The following CDK14 variants were observed in gnomAD, a reference collection of about 807,000 sequenced individuals.
The protein encoded by CDK14 is cyclin-dependent kinase 14.
A neutral mutation model predicts 60.7 loss-of-function variants in CDK14; 34 were observed. The ratio of observed to expected loss-of-function variants is 0.56; its 90% CI spans 0.43 to 0.75. The LOEUF (loss-of-function observed/expected upper bound fraction) is 0.75. Among genes scored for constraint, CDK14 ranks in the 30% least tolerant of loss-of-function variants. The pLI is 0.00. For missense variants in CDK14, 482 were observed against 564.1 expected, an observed-to-expected ratio of 0.85 and a Z score of 1.47; for synonymous variants, 197 against 203.7, an observed-to-expected ratio of 0.97 and a Z score of 0.28.
chr7:90,750,264 T>G (rs1202999589), intron 4 of CDK14, among the ~76,000 whole-genome samples: 1 of 151,474 alleles, frequency 6.6e-6, no homozygotes, highest in African/African-American at 2.4e-5. Flanking sequence ...TTACAAAAAT[T>G]ATAGTGCCAA....
intron 14 of CDK14, among the ~76,000 whole-genome samples, chr7:91,176,728 C>T (rs962771170): frequency 3.3e-5 from 5 of 151,598 alleles, no homozygotes; most frequent in Non-Finnish European, 5.9e-5. Flanking sequence ...ATAAATTCCT[C>T]GACACATACA....
chr7:90,956,381 C>T (rs1408727379), intron 9 of CDK14, among the ~76,000 whole-genome samples: 1 of 152,134 alleles, frequency 6.6e-6, no homozygotes, highest in Non-Finnish European at 1.5e-5. Flanking sequence ...TTATGAGGTC[C>T]AATGACTGTC....
intron 4 of CDK14, among the ~76,000 whole-genome samples, chr7:90,773,549 T>C (rs1318829596): frequency 6.6e-6 from 1 of 152,210 alleles, no homozygotes; most frequent in Non-Finnish European, 1.5e-5. Flanking sequence ...CTCTGTCACC[T>C]ATTCTAGAGT....
At chr7:90,849,383 T>C (rs1562797468) in intron 5 of CDK14, among the ~76,000 whole-genome samples, 1 of 152,046 alleles carries the variant, frequency 6.6e-6, no homozygotes, top group Non-Finnish European at 1.5e-5. Context: ...ATAAACCTCT[T>C]TTCTTTTGAA....
intron 10 of CDK14, among the ~76,000 whole-genome samples, chr7:91,028,701 T>A (rs188105323): frequency 6.6e-6 from 1 of 152,340 alleles, no homozygotes. Flanking sequence ...TTTTTTCATA[T>A]GTTTGTTGGT....
chr7:90,599,211 C>A (rs1029965935), intron 1 of CDK14, among the ~76,000 whole-genome samples: 7 of 152,098 alleles, frequency 4.6e-5, no homozygotes, highest in Non-Finnish European at 5.9e-5. Flanking sequence ...ATAATGCATA[C>A]CATGTCTTGT....
At chr7:90,620,419 G>A (rs1207900631) in intron 2 of CDK14, among the ~76,000 whole-genome samples, 1 of 152,116 alleles carries the variant, frequency 6.6e-6, no homozygotes, top group African/African-American at 2.4e-5. Context: ...GGTGAGTGAC[G>A]CTTCTCCACC....
At chr7:91,032,914 A>G (rs138720711) in intron 10 of CDK14, among the ~76,000 whole-genome samples, 11 of 152,366 alleles carry the variant, frequency 7.2e-5, no homozygotes, top group Middle Eastern at 3.4e-3. Context: ...AATCAATTCA[A>G]TAACTTTGTC....
At chr7:90,674,428 A>C (rs1001959453) in intron 2 of CDK14, among the ~76,000 whole-genome samples, 1 of 152,210 alleles carries the variant, frequency 6.6e-6, no homozygotes, top group African/African-American at 2.4e-5. Flanking sequence ...ACAATCAGTT[A>C]GGGAAGGTGG....
chr7:90,612,242 G>A (rs151128674), intron 2 of CDK14, among the ~76,000 whole-genome samples: 40 of 152,186 alleles, frequency 2.6e-4, no homozygotes, highest in African/African-American at 8.2e-4. Context: ...CTCTTCATTG[G>A]TATCACTGCT....
At chr7:91,142,940 G>C (rs73213019) in intron 14 of CDK14, among the ~76,000 whole-genome samples, 10,594 of 152,226 alleles carry the variant, frequency 0.07, 471 homozygotes, top group Non-Finnish European at 0.089. Context: ...TACAAGACAT[G>C]GTCCCTATTG....
intron 14 of CDK14, among the ~76,000 whole-genome samples, chr7:91,188,298 T>C (rs1802252458): frequency 6.6e-6 from 1 of 152,190 alleles, no homozygotes; most frequent in Admixed American, 6.5e-5. Flanking sequence ...CCTTTATAAC[T>C]GATCATGAAC....
intron 14 of CDK14, among the ~76,000 whole-genome samples, chr7:91,175,486 A>G (rs983963686): frequency 1.9e-4 from 29 of 152,316 alleles, no homozygotes; most frequent in African/African-American, 6.5e-4. Flanking sequence ...AATGGACTAA[A>G]TGCTCCAATT....
In CDK14 at chr7:91,154,742, GTTA is replaced by G. The variant is rs201525702; in HGVS notation, c.*28+36537_*28+36539del. 7.1e-3 allele frequency among the ~76,000 whole-genome samples: 1,073 copies of G among 152,190 alleles called. 4 individuals carry two copies. Among genetic ancestry groups the G allele is most frequent in the Middle Eastern group, 0.02 (6 of 294 alleles). The stretch of plus-strand genomic sequence containing the variant: ...CACTGCTTGGCACATTCTAGCTGAC[GTTA>G]TTGAGTTGTTGTTAGTATTATTATG... On this transcript the variant is annotated intron_variant, in intron 14 of 14. Coordinates refer to ENST00000380050, the MANE Select transcript of CDK14 (RefSeq NM_001287135.2).
At chr7:90,792,218 A>G (rs1337857737) in intron 5 of CDK14, among the ~76,000 whole-genome samples, 1 of 144,522 alleles carries the variant, frequency 6.9e-6, no homozygotes, top group African/African-American at 2.6e-5. Flanking sequence ...TTTTCTTTCT[A>G]ATAAGCACTC....
At chr7:91,049,710 AT>A (rs1176442375) in intron 11 of CDK14, among the ~76,000 whole-genome samples, 1 of 152,196 alleles carries the variant, frequency 6.6e-6, no homozygotes, top group Non-Finnish European at 1.5e-5. Flanking sequence ...TAAATAACTT[AT>A]TTTTTAGTTA....
chr7:90,805,578 T>C (rs1274296542), intron 5 of CDK14, among the ~76,000 whole-genome samples: 1 of 152,032 alleles, frequency 6.6e-6, no homozygotes, highest in Non-Finnish European at 1.5e-5. Flanking sequence ...TAACAAAACA[T>C]ATTTAGAATT....
intron 10 of CDK14, among the ~76,000 whole-genome samples, chr7:91,016,198 C>G (rs10953031): frequency 0.23 from 35,274 of 152,054 alleles, 4,400 homozygotes; most frequent in Middle Eastern, 0.27. Context: ...GCACTTCTTC[C>G]ATTATGAATT....
At chr7:90,762,405 A>G (rs144318290) in intron 4 of CDK14, among the ~76,000 whole-genome samples, 1 of 152,156 alleles carries the variant, frequency 6.6e-6, no homozygotes, top group South Asian at 2.1e-4. Context: ...TCTCTGGGAT[A>G]GGGTCCTCTC....
Sources: allele counts gnomAD v4.1 joint callset (sites outside exome capture counted in the v4.1 genomes callset), GRCh38; gene constraint gnomAD v4.1.1; transcripts MANE v1.5; gene names NCBI Gene and HGNC (gene_info 2026-07-23, HGNC 2026-07-21).